The following HPSE2 variants were observed in gnomAD, a reference collection of about 807,000 sequenced individuals.
HPSE2 encodes heparanase 2 (inactive).
Under a neutral mutation model 60.5 loss-of-function variants are expected in HPSE2, and 38 were observed. The observed-to-expected ratio is 0.63, with a 90% CI of 0.48 to 0.82. The LOEUF is 0.82. Ranked by LOEUF, HPSE2 falls within the 40% of genes least tolerant of loss-of-function variation. HPSE2 has a pLI of 0.00. For synonymous variants in HPSE2, 295 were observed against 293.2 expected, an observed-to-expected ratio of 1.01 and a Z score of -0.06; for missense variants, 713 against 740.4, an observed-to-expected ratio of 0.96 and a Z score of 0.43.
intron 3 of HPSE2, among the ~76,000 whole-genome samples, chr10:98,809,177 T>C (rs544129872): frequency 6.6e-6 from 1 of 152,308 alleles, no homozygotes; most frequent in East Asian, 1.9e-4. Flanking sequence ...TAGTTGCATT[T>C]GTCTAGCAGA....
chr10:98,690,678 GTTTTT>G (rs1211137988), intron 6 of HPSE2, among the ~76,000 whole-genome samples: 2 of 148,502 alleles, frequency 1.3e-5, no homozygotes, highest in East Asian at 3.9e-4. Flanking sequence ...TAAGCCAGTG[GTTTTT>G]TTTTTAATAC....
intron 3 of HPSE2, among the ~76,000 whole-genome samples, chr10:99,107,562 T>G (rs190118677): frequency 6.6e-6 from 1 of 152,342 alleles, no homozygotes; most frequent in Admixed American, 6.5e-5. Context: ...AATTATATTT[T>G]TATTTTGCAT....
intron 3 of HPSE2, among the ~76,000 whole-genome samples, chr10:98,760,050 T>C (rs574863857): frequency 9.9e-5 from 15 of 152,110 alleles, no homozygotes; most frequent in Non-Finnish European, 1.8e-4. Flanking sequence ...GCTATTGTAA[T>C]GGGGTTTTAA....
chr10:99,093,520 GGGTTGAGAAGTCTAA>G (rs1280440040), intron 3 of HPSE2, among the ~76,000 whole-genome samples: 1 of 152,026 alleles, frequency 6.6e-6, no homozygotes, highest in Non-Finnish European at 1.5e-5. Context: ...GTAGTTCTGG[GGGTTGAGAAGTCTAA>G]GGTTGAGGCA....
chr10:98,560,402 G>A (rs964432208), intron 9 of HPSE2, among the ~76,000 whole-genome samples: 14 of 152,190 alleles, frequency 9.2e-5, no homozygotes, highest in Admixed American at 1.3e-4. Flanking sequence ...GGAGGAAGGC[G>A]CAAAGCCACA....
intron 6 of HPSE2, among the ~76,000 whole-genome samples, chr10:98,685,265 T>C (rs531538686): frequency 6.6e-6 from 1 of 152,316 alleles, no homozygotes; most frequent in East Asian, 1.9e-4. Context: ...TATGGTTCTT[T>C]TTCTTATGCA....
intron 3 of HPSE2, among the ~76,000 whole-genome samples, chr10:99,104,968 G>A (rs1211252723): frequency 2.6e-5 from 4 of 151,426 alleles, no homozygotes; most frequent in East Asian, 1.9e-4. Context: ...CGTAAATGAC[G>A]AGTTAATGGG....
intron 3 of HPSE2, among the ~76,000 whole-genome samples, chr10:98,950,018 C>T (rs930630553): frequency 6.6e-6 from 1 of 152,152 alleles, no homozygotes; most frequent in Non-Finnish European, 1.5e-5. Context: ...TCAGGAACAG[C>T]TGATTCCATC....
At chr10:98,686,872 T>C (rs1589637950) in intron 6 of HPSE2, among the ~76,000 whole-genome samples, 1 of 152,186 alleles carries the variant, frequency 6.6e-6, no homozygotes, top group Non-Finnish European at 1.5e-5. Flanking sequence ...TAATGTTCTA[T>C]GTACACTTGA....
At chr10:99,098,174 G>A (rs1843787887) in intron 3 of HPSE2, among the ~76,000 whole-genome samples, 1 of 151,896 alleles carries the variant, frequency 6.6e-6, no homozygotes, top group African/African-American at 2.4e-5. Context: ...CCATGTGTTG[G>A]AAATAAATAA....
At chr10:98,481,363 T>C (rs192621549) in intron 11 of HPSE2, among the ~76,000 whole-genome samples, 22 of 152,226 alleles carry the variant, frequency 1.4e-4, no homozygotes, top group African/African-American at 5.1e-4. Context: ...AAAATAATTT[T>C]CCCAGGTCAT....
In HPSE2 at chr10:98,896,785, T is replaced by C. The variant is rs144726729; in HGVS notation, c.611-152729A>G. Among the ~76,000 whole-genome samples the C allele has an allele frequency of 9.9e-4, 151 of 152,218 alleles. 2 individuals are homozygous for C. In the East Asian group the frequency reaches 0.025, roughly 25 times the overall value. On this transcript the variant is annotated intron_variant, in intron 3 of 11. Coordinates refer to ENST00000370552, the MANE Select transcript of HPSE2 (RefSeq NM_021828.5). The stretch of plus-strand genomic sequence containing the variant: ...AACACAAATTACCAGTCTGATCCAA[T>C]TGATATTAAAAGGATAATAATGGAA...
intron 3 of HPSE2, among the ~76,000 whole-genome samples, chr10:98,976,397 C>G (rs1464348765): frequency 6.6e-6 from 1 of 152,232 alleles, no homozygotes; most frequent in African/African-American, 2.4e-5. Flanking sequence ...TCCAATTTTA[C>G]AGGCAAGACT....
rs1054154419 is a variant in HPSE2, at chr10:98,999,978, G to C, written c.610+144260C>G. ...GGAGAAAGAATAGAGAAACCAGTCT[G>C]AGGTGTTTGTTTTAGCAGTGCAAAT... On this transcript the variant is annotated intron_variant, in intron 3 of 11. Coordinates refer to ENST00000370552, the MANE Select transcript of HPSE2 (RefSeq NM_021828.5). Among the ~76,000 whole-genome samples the C allele has an allele frequency of 2.6e-5, 4 of 152,288 alleles. No homozygotes were observed. In the South Asian group the frequency reaches 8.3e-4, roughly 32 times the overall value.
chr10:99,292,605 A>T, the HPSE2 span, among the ~76,000 whole-genome samples: 3 of 152,246 alleles, frequency 2.0e-5, no homozygotes, highest in African/African-American at 7.2e-5. Flanking sequence ...CATATATTTT[A>T]AAATTCACTA....
intron 3 of HPSE2, among the ~76,000 whole-genome samples, chr10:98,952,434 G>A (rs1384971603): frequency 2.0e-5 from 3 of 151,614 alleles, no homozygotes; most frequent in Non-Finnish European, 4.4e-5. Flanking sequence ...CTGCAAAAAT[G>A]TCATTTTAAA....
intron 3 of HPSE2, among the ~76,000 whole-genome samples, chr10:98,753,490 A>G (rs1352405030): frequency 1.3e-5 from 2 of 152,244 alleles, no homozygotes; most frequent in Non-Finnish European, 1.5e-5. Flanking sequence ...AAAAAGGTGG[A>G]AAAAACTCAA....
chr10:98,982,122 G>A (rs1956222031), intron 3 of HPSE2, among the ~76,000 whole-genome samples: 2 of 150,502 alleles, frequency 1.3e-5, no homozygotes, highest in African/African-American at 4.9e-5. Context: ...AAAAAGCCTT[G>A]ACCTCCATCA....
intron 3 of HPSE2, among the ~76,000 whole-genome samples, chr10:99,029,570 G>A (rs911817603): frequency 2.6e-5 from 4 of 152,244 alleles, no homozygotes; most frequent in Admixed American, 1.3e-4. Flanking sequence ...ACTGGACAGG[G>A]GGCCCTTCCC....
Sources: allele counts gnomAD v4.1 joint callset (sites outside exome capture counted in the v4.1 genomes callset), GRCh38; gene constraint gnomAD v4.1.1; transcripts MANE v1.5; gene names NCBI Gene and HGNC (gene_info 2026-07-23, HGNC 2026-07-21).